Variants in HKDC1 observed in about 807,000 individuals in gnomAD.
The protein encoded by HKDC1 is hexokinase domain containing 1, also known as hexokinase HKDC1.
Under a neutral mutation model 96.6 loss-of-function variants are expected in HKDC1, and 66 were observed. The ratio of observed to expected loss-of-function variants is 0.68; its 90% CI spans 0.56 to 0.84. The LOEUF is 0.84. HKDC1 is among the 40% of genes least tolerant of loss of function. The pLI, the probability that HKDC1 is intolerant of heterozygous loss-of-function variation, is 0.00. For missense variants in HKDC1, 1,211 were observed against 1,208.1 expected, an observed-to-expected ratio of 1.00 and a Z score of -0.04; for synonymous variants, 466 against 473.1, an observed-to-expected ratio of 0.98 and a Z score of 0.20.
At chr10:69,250,761 T>A in intron 12 of HKDC1, 109 bp downstream of exon 12, 1 of 1,247,610 alleles carries the variant, frequency 8.0e-7, no homozygotes, top group South Asian at 1.3e-5. Context: ...GGATCTTGGG[T>A]TCAGGGCAGC....
chr10:69,227,129 G>C, intron 1 of HKDC1, 78 bp from the exon 2 acceptor site: 1 of 1,501,450 alleles, frequency 6.7e-7, no homozygotes, highest in Non-Finnish European at 9.2e-7. Context: ...AGCTTGCTGA[G>C]GGATGTCGGG....
chr10:69,237,722 T>C (rs1029659398), intron 4 of HKDC1, among the ~76,000 whole-genome samples: 7 of 152,296 alleles, frequency 4.6e-5, no homozygotes, highest in African/African-American at 1.7e-4. Flanking sequence ...GATGTTGTCA[T>C]AGCCTATGAG....
chr10:69,230,271 G>C (rs944384522), intron 2 of HKDC1, among the ~76,000 whole-genome samples: 1 of 152,188 alleles, frequency 6.6e-6, no homozygotes, highest in Admixed American at 6.5e-5. Context: ...CTTGACCCCT[G>C]CTGGCTCTGT....
chr10:69,226,496 TA>T (rs1381415729), intron 1 of HKDC1, among the ~76,000 whole-genome samples: 3 of 150,294 alleles, frequency 2.0e-5, no homozygotes, highest in East Asian at 1.9e-4. Context: ...AAAATAAAAA[TA>T]AAAAAAAATT....
At chr10:69,257,690 G>GA (rs1475774667) in intron 14 of HKDC1, among the ~76,000 whole-genome samples, 2 of 152,168 alleles carry the variant, frequency 1.3e-5, no homozygotes, top group Admixed American at 6.5e-5. Flanking sequence ...TGTCATGGGG[G>GA]GGGGAAGGAG....
At chr10:69,240,523 AC>A in intron 5 of HKDC1, 128 bp from the exon 6 acceptor site, 1 of 676,292 alleles carries the variant, frequency 1.5e-6, no homozygotes, top group South Asian at 1.8e-5. Flanking sequence ...GCTCCTTCAG[AC>A]AGGCCCAGCA....
At chr10:69,231,729 C>T (rs1843264207) in intron 2 of HKDC1, among the ~76,000 whole-genome samples, 1 of 152,234 alleles carries the variant, frequency 6.6e-6, no homozygotes, top group Non-Finnish European at 1.5e-5. Context: ...GCACCTAACA[C>T]ATGTTACTCA....
chr10:69,262,133 A>AGCT, intron 16 of HKDC1: 1 of 410,608 alleles, frequency 2.4e-6, no homozygotes. Flanking sequence ...TGATTCCTGC[A>AGCT]GTTATTAGCT....
intron 4 of HKDC1, among the ~76,000 whole-genome samples, chr10:69,234,904 G>C (rs1042285206): frequency 2.0e-5 from 3 of 152,220 alleles, no homozygotes; most frequent in South Asian, 4.1e-4. Flanking sequence ...CATCTATACA[G>C]GGGACAGGCT....
intron 1 of HKDC1, among the ~76,000 whole-genome samples, chr10:69,226,318 C>A (rs1843154632): frequency 6.6e-6 from 1 of 152,144 alleles, no homozygotes; most frequent in African/African-American, 2.4e-5. Context: ...AAAAATTCAG[C>A]TTTGTCTTAA....
At chr10:69,251,242 C>T (rs573994190) in intron 12 of HKDC1, among the ~76,000 whole-genome samples, 1 of 151,738 alleles carries the variant, frequency 6.6e-6, no homozygotes, top group Admixed American at 6.6e-5. Flanking sequence ...TTACAGGCAC[C>T]TACCTCCACG....
chr10:69,254,284 G>A (rs1242773610), intron 12 of HKDC1, among the ~76,000 whole-genome samples: 5 of 152,020 alleles, frequency 3.3e-5, no homozygotes, highest in Non-Finnish European at 5.9e-5. Context: ...CAGCCTGGGC[G>A]ACAGAGAAGA....
In HKDC1 at chr10:69,232,819, G is replaced by A. The variant is rs1843288531; in HGVS notation, c.282G>A (p.Lys94=). 6.2e-7 allele frequency: 1 copy of A among 1,614,182 alleles called. No homozygotes were observed. The highest frequency in any genetic ancestry group is 8.5e-7 in the Non-Finnish European group (1 of 1,180,046). ...DLGGSKFRVL[K]VQVAEEGKRH... ...GAGGGTCCAAGTTCCGAGTGCTGAA[G>A]GTGCAAGTCGCTGAAGAGGGGAAGC... Residue 94 remains lysine, a synonymous_variant, in exon 3 of 18, where the codon AAG becomes AAA. Transcript: ENST00000354624.
Position 69,261,230 on chromosome 10 carries a change from C to T in HKDC1, c.2308C>T (p.Gln770Ter). The T allele has an allele frequency of 3.1e-6, 5 of 1,614,082 alleles. No homozygotes were observed. Among genetic ancestry groups the T allele is most frequent in the Non-Finnish European group, 4.2e-6 (5 of 1,179,982 alleles). Residue 770 changes from glutamine (Q) to a stop codon, truncating the protein, a stop_gained, in exon 16 of 18, where the codon CAG becomes TAG. Coordinates refer to ENST00000354624, the MANE Select transcript of HKDC1 (RefSeq NM_025130.4). LOFTEE classifies it high-confidence loss of function. ...CAAGCAGGGTCTCCTCTTCCGAGGG[C>T]AGATTTCAGAGCGTCTCCGGACCAG... ...LTKQGLLFRGQISERLRTRGI... is the reference protein window; with the variant it reads ...LTKQGLLFRG
At position 69,252,654 on chromosome 10, in the gene HKDC1, A is replaced by C. The variant is rs527894931; in HGVS notation, c.1836+2002A>C. ...GCGAGACTCTGTCTCAAAAAAAAAA[A>C]AAAAAAAAACTGTAGCCAGGCATGG... is the stretch of plus-strand genomic sequence containing the variant. On this transcript the variant is annotated intron_variant, in intron 12 of 17. Transcript: ENST00000354624. 2.7e-3 allele frequency among the ~76,000 whole-genome samples: 406 copies of C among 151,346 alleles called. 3 individuals are homozygous for C. Among genetic ancestry groups the C allele is most frequent in the African/African-American group, 9.3e-3 (385 of 41,310 alleles).
chr10:69,222,085 G>A (rs1177341880), intron 1 of HKDC1, among the ~76,000 whole-genome samples: 1 of 152,194 alleles, frequency 6.6e-6, no homozygotes, highest in Non-Finnish European at 1.5e-5. Flanking sequence ...AGCTGGGCGT[G>A]GTGGAGTGCG....
intron 1 of HKDC1, among the ~76,000 whole-genome samples, chr10:69,226,232 G>T (rs1843153557): frequency 6.6e-6 from 1 of 152,130 alleles, no homozygotes; most frequent in South Asian, 2.1e-4. Flanking sequence ...CCTCCTTTGG[G>T]TATGGTCCTC....
chr10:69,240,653 A>G lies in HKDC1; in HGVS notation c.593A>G (p.Asp198Gly). 6.2e-7 allele frequency: 1 copy of G among 1,613,614 alleles called. No homozygotes were observed. The highest frequency in any genetic ancestry group is 8.5e-7 in the Non-Finnish European group (1 of 1,179,674). ...RLTKAMRRHKDMDVDILALVN... is the reference protein window; with the variant it reads ...RLTKAMRRHKGMDVDILALVN... ...TCCCTCTGGCCTTGTGTTCGGCAGG[A>G]CATGGACGTGGACATCCTGGCCCTG... The change falls in exon 6 of 18, where the codon GAC becomes GGC. Residue 198 changes from aspartate to glycine, a missense_variant and splice_region_variant. Transcript: ENST00000354624.
chr10:69,224,315 G>A (rs996284526), intron 1 of HKDC1, among the ~76,000 whole-genome samples: 7 of 151,770 alleles, frequency 4.6e-5, no homozygotes, highest in Admixed American at 1.3e-4. Context: ...ATGGAATCTC[G>A]CTCTGTCACC....
Sources: allele counts gnomAD v4.1 joint callset (sites outside exome capture counted in the v4.1 genomes callset), GRCh38; gene constraint gnomAD v4.1.1; transcripts MANE v1.5; gene names NCBI Gene and HGNC (gene_info 2026-07-23, HGNC 2026-07-21).